Variants in MAGI2 observed in about 807,000 individuals in gnomAD.
The protein encoded by MAGI2 is membrane associated guanylate kinase, WW and PDZ domain containing 2, also known as membrane-associated guanylate kinase, WW and PDZ domain-containing protein 2.
A neutral mutation model predicts 133.3 loss-of-function variants in MAGI2; 35 were observed. The observed-to-expected ratio is 0.26, with a 90% CI of 0.20 to 0.35. The LOEUF (loss-of-function observed/expected upper bound fraction) is 0.35. MAGI2 is among the 10% of genes least tolerant of loss of function. MAGI2 has a pLI of 1.00. For synonymous variants in MAGI2, 729 were observed against 710.6 expected (o/e 1.03, Z -0.41); for missense variants, 1,636 against 1,863.4 (o/e 0.88, Z 2.25).
At chr7:79,386,227 T>C (rs1048226182) in intron 1 of MAGI2, among the ~76,000 whole-genome samples, 1 of 151,950 alleles carries the variant, frequency 6.6e-6, no homozygotes, top group Admixed American at 6.6e-5. Context: ...TACGTCAAAA[T>C]TGACAAAAAT....
intron 21 of MAGI2, chr7:78,025,976 A>G (rs538487620): frequency 6.6e-6 from 1 of 152,612 alleles, no homozygotes; most frequent in South Asian, 2.1e-4. Context: ...AAAATGTTCC[A>G]ATGAACCCAC....
At chr7:78,664,108 C>T (rs1330910046) in intron 2 of MAGI2, among the ~76,000 whole-genome samples, 1 of 152,094 alleles carries the variant, frequency 6.6e-6, no homozygotes, top group East Asian at 1.9e-4. Context: ...TCTATTTAGT[C>T]ATAGAGTCTA....
intron 2 of MAGI2, among the ~76,000 whole-genome samples, chr7:78,757,008 G>C (rs1824011727): frequency 6.6e-6 from 1 of 151,992 alleles, no homozygotes; most frequent in African/African-American, 2.4e-5. Flanking sequence ...TCCTAGACTT[G>C]AGAACTTCCC....
rs200425725 is a variant in MAGI2 at position 78,498,060 on chromosome 7, TTTTA to T, written c.965+3513_965+3516del. The stretch of plus-strand genomic sequence containing the variant: ...ATTCTACCTTTCCTTTAAAAAAACT[TTTTA>T]TTTATTTATTTACTTAATTGATAAA... On this transcript the variant is annotated intron_variant, in intron 5 of 21. Coordinates refer to ENST00000354212, the MANE Select transcript of MAGI2 (RefSeq NM_012301.4). Among the ~76,000 whole-genome samples the T allele has an allele frequency of 6.8e-3, 1,032 of 152,256 alleles. 12 individuals are homozygous for T. Among genetic ancestry groups the T allele is most frequent in the African/African-American group, 0.023 (955 of 41,568 alleles).
chr7:78,499,887 T>A (rs938285932), intron 5 of MAGI2, among the ~76,000 whole-genome samples: 1 of 152,210 alleles, frequency 6.6e-6, no homozygotes, highest in Non-Finnish European at 1.5e-5. Context: ...TGTCATGCTG[T>A]CTTTACCAAT....
At chr7:79,367,878 T>TATATATATATATATA (rs1446885185) in intron 1 of MAGI2, among the ~76,000 whole-genome samples, 30 of 116,492 alleles carry the variant, frequency 2.6e-4, no homozygotes, top group African/African-American at 3.2e-4. Context: ...TATATATATG[T>TATATATATATATATA]CATTGACTGG....
chr7:78,245,062 T>C (rs1008259779), intron 10 of MAGI2, among the ~76,000 whole-genome samples: 4 of 152,150 alleles, frequency 2.6e-5, no homozygotes, highest in African/African-American at 9.7e-5. Context: ...ATCAAAGGTA[T>C]GCAAATAAGA....
At chr7:78,560,384 A>G (rs1341043446) in intron 3 of MAGI2, among the ~76,000 whole-genome samples, 1 of 152,160 alleles carries the variant, frequency 6.6e-6, no homozygotes, top group African/African-American at 2.4e-5. Flanking sequence ...TCTGGAGGTG[A>G]TAATTGAAGC....
intron 9 of MAGI2, among the ~76,000 whole-genome samples, chr7:78,306,690 A>G (rs1192370195): frequency 6.6e-6 from 1 of 152,156 alleles, no homozygotes; most frequent in Non-Finnish European, 1.5e-5. Context: ...GATGCTCTAA[A>G]TGTTGGAAGT....
intron 1 of MAGI2, among the ~76,000 whole-genome samples, chr7:79,369,388 A>T (rs1242999531): frequency 6.6e-6 from 1 of 152,218 alleles, no homozygotes; most frequent in Non-Finnish European, 1.5e-5. Context: ...CTAACCAAGG[A>T]ACATACATGA....
Position 79,199,036 on chromosome 7 carries a change from T to TA in MAGI2, c.302-191831dup, listed in dbSNP as rs1285134541. Among the ~76,000 whole-genome samples, 5 of 151,202 alleles carry TA rather than the reference T, an allele frequency of 3.3e-5. No individual in the cohort carries two copies. The East Asian group carries it at 7.7e-4, about 23-fold the overall frequency. ...GAGAAAAAGTTTATTATCTCTAAAC[T>TA]AAAAAAAAATTAAAATTGAAGTAAA... On this transcript the variant is annotated intron_variant, in intron 1 of 21. Transcript: ENST00000354212.
At chr7:78,603,780 C>G (rs1805471125) in intron 3 of MAGI2, among the ~76,000 whole-genome samples, 1 of 152,132 alleles carries the variant, frequency 6.6e-6, no homozygotes, top group South Asian at 2.1e-4. Context: ...CTCAGCCTCC[C>G]AGAGTGCTGG....
chr7:78,366,342 A>C (rs1330602703), intron 7 of MAGI2, among the ~76,000 whole-genome samples: 1 of 152,162 alleles, frequency 6.6e-6, no homozygotes, highest in African/African-American at 2.4e-5. Context: ...CATATACCGA[A>C]AATGTGGAGA....
intron 1 of MAGI2, among the ~76,000 whole-genome samples, chr7:79,118,817 T>G (rs369422311): frequency 2.0e-5 from 3 of 152,084 alleles, no homozygotes; most frequent in East Asian, 3.9e-4. Flanking sequence ...CTGAATTGGC[T>G]TCAGGATATC....
chr7:78,208,987 C>T (rs1787421498), intron 10 of MAGI2, among the ~76,000 whole-genome samples: 1 of 151,304 alleles, frequency 6.6e-6, no homozygotes, highest in African/African-American at 2.4e-5. Flanking sequence ...CTTTGGGAGG[C>T]CGAGGCAGGT....
At chr7:78,380,818 A>C (rs1364255632) in intron 6 of MAGI2, among the ~76,000 whole-genome samples, 1 of 152,186 alleles carries the variant, frequency 6.6e-6, no homozygotes, top group Non-Finnish European at 1.5e-5. Context: ...TATGCATTGC[A>C]CGCCGATATT....
chr7:79,135,155 G>A (rs1444132816), intron 1 of MAGI2, among the ~76,000 whole-genome samples: 1 of 152,160 alleles, frequency 6.6e-6, no homozygotes, highest in East Asian at 1.9e-4. Context: ...TAAAGTGGCT[G>A]AAGGGAACAG....
chr7:79,195,670 G>A (rs928663428), intron 1 of MAGI2, among the ~76,000 whole-genome samples: 2 of 151,820 alleles, frequency 1.3e-5, no homozygotes, highest in Non-Finnish European at 2.9e-5. Flanking sequence ...TTAAGACCAC[G>A]GCACTGAGCA....
At chr7:78,348,459 T>G (rs2151197579) in intron 7 of MAGI2, 1 of 152,296 alleles carries the variant, frequency 6.6e-6, no homozygotes, top group Middle Eastern at 3.4e-3. Flanking sequence ...TATTGAAGTG[T>G]TGCAGTGGTT....
Sources: allele counts gnomAD v4.1 joint callset (sites outside exome capture counted in the v4.1 genomes callset), GRCh38; gene constraint gnomAD v4.1.1; transcripts MANE v1.5; gene names NCBI Gene and HGNC (gene_info 2026-07-23, HGNC 2026-07-21).